TAF5L: variants seen among roughly 807,000 people sequenced by gnomAD.
TAF5L encodes TAF5-like RNA polymerase II p300/CBP-associated factor-associated factor 65 kDa subunit 5L.
TAF5L carries 7 observed loss-of-function variants against 51.3 expected under a neutral mutation model. That is an observed-to-expected ratio of 0.14 (90% CI 0.08 to 0.26). The LOEUF (loss-of-function observed/expected upper bound fraction) is 0.26. Among genes scored for constraint, TAF5L ranks in the 10% least tolerant of loss-of-function variants. The pLI, the probability that TAF5L is intolerant of heterozygous loss-of-function variation, is 1.00. For missense variants in TAF5L, 575 were observed against 758.9 expected (o/e 0.76, Z 2.85); for synonymous variants, 291 against 308.1 (o/e 0.94, Z 0.58).
At chr1:229,606,313 CACTT>C (rs1175004499) in intron 3 of TAF5L, 1 of 837,438 alleles carries the variant, frequency 1.2e-6, no homozygotes, top group Non-Finnish European at 1.4e-6. Context: ...AAAGTGTACT[CACTT>C]AAAATATATT....
intron 1 of TAF5L, among the ~76,000 whole-genome samples, chr1:229,620,354 C>T (rs1197457369): frequency 1.3e-5 from 2 of 152,148 alleles, no homozygotes; most frequent in South Asian, 2.1e-4. Flanking sequence ...CCACTATGCC[C>T]GACTCTACAA....
chr1:229,602,247 T>C lies in TAF5L; in HGVS notation c.920A>G (p.His307Arg). ...ATGGATGCGGGACACGTCTACTTGG[T>C]GGGGCTCTGATTTTAACTTCTTGGA... Residue 307 changes from histidine (H) to arginine (R), a missense_variant, in exon 4 of 5, where the codon CAC becomes CGC. His to Arg is a conservative substitution (Grantham distance 29, BLOSUM62 0). Around this residue, in one of 3 missense-constraint regions of TAF5L, gnomAD observed 380 missense variants for 443.7 expected, o/e 0.86. Transcript: ENST00000258281. The surrounding 1 kb of genome is among the most constrained non-coding windows in gnomAD (Gnocchi z 4.6). 1 of 1,614,152 alleles carries C rather than the reference T, an allele frequency of 6.2e-7. No individual in the cohort carries two copies. Among genetic ancestry groups the C allele is most frequent in the Non-Finnish European group, 8.5e-7 (1 of 1,180,020 alleles).
At position 229,614,327 on chromosome 1, in the gene TAF5L, G is replaced by A. The variant is rs1463162550; in HGVS notation, c.142+14C>T. On this transcript the variant is annotated intron_variant, in intron 2 of 4. Coordinates refer to ENST00000258281, the Ensembl canonical transcript of TAF5L. The stretch of plus-strand genomic sequence containing the variant: ...GCTCCAGGCTCACCCCACCAGACGA[G>A]CCCCCACCATTACCTGTTAGATTGG... 2 of 1,614,214 alleles carry A rather than the reference G, an allele frequency of 1.2e-6. No homozygotes were observed. The highest frequency in any genetic ancestry group is 1.7e-6 in the Non-Finnish European group (2 of 1,180,044).
chr1:229,609,316 T>A (rs541108703), intron 3 of TAF5L, among the ~76,000 whole-genome samples: 2 of 152,196 alleles, frequency 1.3e-5, no homozygotes, highest in Non-Finnish European at 2.9e-5. Flanking sequence ...CATTTTTGTA[T>A]TTTTTTAATC....
intron 3 of TAF5L, chr1:229,607,056 C>A: frequency 1.0e-6 from 1 of 985,426 alleles, no homozygotes; most frequent in Non-Finnish European, 1.2e-6. Flanking sequence ...CCTCAAATTT[C>A]CCACTGCAAG....
At chr1:229,606,304 A>G (rs1162679779) in intron 3 of TAF5L, 1 of 826,140 alleles carries the variant, frequency 1.2e-6, no homozygotes, top group Non-Finnish European at 1.5e-6. Flanking sequence ...ATTTTACTGA[A>G]AGTGTACTCA....
At chr1:229,618,183 C>T (rs988694142) in intron 1 of TAF5L, among the ~76,000 whole-genome samples, 1 of 152,192 alleles carries the variant, frequency 6.6e-6, no homozygotes, top group African/African-American at 2.4e-5. Flanking sequence ...GAGACTCATA[C>T]ATGAGACGAA....
At chr1:229,611,218 G>C (rs934163539) in intron 2 of TAF5L, among the ~76,000 whole-genome samples, 2 of 152,094 alleles carry the variant, frequency 1.3e-5, no homozygotes, top group African/African-American at 2.4e-5. Flanking sequence ...AACAAGGCTG[G>C]AGTCTCAATA....
chr1:229,602,700 C>T lies in TAF5L; in HGVS notation c.467G>A (p.Arg156Gln), dbSNP rs944060036. 7 of 1,613,928 alleles carry T rather than the reference C, an allele frequency of 4.3e-6. No homozygotes were observed. Among genetic ancestry groups the T allele is most frequent in the Admixed American group, 3.3e-5 (2 of 59,978 alleles). The change falls in exon 4 of 5, where the codon CGA becomes CAA. Residue 156 changes from arginine to glutamine, a missense_variant. Transcript: ENST00000258281. This position sits in a 1 kb window ranked among gnomAD's most constrained non-coding sequence, Gnocchi z 4.6. ...CACGTACTTGTTATCTAGGAATGCT[C>T]GAAGCTTGAAGTTAGATAGGATGTC...
Position 229,602,681 on chromosome 1 carries a change from C to T in TAF5L, c.486G>A (p.Lys162=), listed in dbSNP as rs772057665. ...TGTCTTCTTGGAGACGGACCACGTACTTGTTATCTAGGAATGCTCGAAGCT... is the reference window on the plus strand; with the variant it reads ...TGTCTTCTTGGAGACGGACCACGTATTTGTTATCTAGGAATGCTCGAAGCT... Residue 162 remains lysine (K), a synonymous_variant, in exon 4 of 5, where the codon AAG becomes AAA. Transcript: ENST00000258281. The surrounding 1 kb of genome is among the most constrained non-coding windows in gnomAD (Gnocchi z 4.6). 8 of 1,614,200 alleles carry T rather than the reference C, an allele frequency of 5.0e-6. No homozygotes were observed. Among genetic ancestry groups the T allele is most frequent in the Non-Finnish European group, 5.9e-6 (7 of 1,180,044 alleles).
At chr1:229,624,580 C>T (rs1167385712) in intron 1 of TAF5L, among the ~76,000 whole-genome samples, 1 of 149,102 alleles carries the variant, frequency 6.7e-6, no homozygotes, top group African/African-American at 2.5e-5. Context: ...GCCTGGGCAA[C>T]ATAGAGGCAC....
rs1664741057 is a variant in TAF5L at position 229,610,284 on chromosome 1, G to C, written c.143-74C>G. On this transcript the variant is annotated intron_variant, in intron 2 of 4. Transcript: ENST00000258281. ...TATTAACCCAGTACGTGGCAGGATG[G>C]GTGAAGGAGGGTGTTGTGCACACAC... 7 of 1,357,978 alleles carry C rather than the reference G, an allele frequency of 5.2e-6. No homozygotes were observed. In the Admixed American group the frequency reaches 5.3e-5, roughly 10 times the overall value. The allele number at this position is 1,357,978 out of a possible 1,614,324, so 84.1% of individuals were successfully genotyped here.
intron 1 of TAF5L, among the ~76,000 whole-genome samples, chr1:229,616,374 A>ATTATT (rs1665004721): frequency 1.3e-5 from 1 of 76,020 alleles, no homozygotes; most frequent in African/African-American, 3.9e-5. Flanking sequence ...ATTTATTTAT[A>ATTATT]TTTTTTTTTT....
intron 4 of TAF5L, chr1:229,600,119 A>C: frequency 1.4e-5 from 14 of 984,746 alleles, no homozygotes; most frequent in Non-Finnish European, 1.6e-5. Context: ...TAAGGGAAAA[A>C]GAAAAGTCCA....
At position 229,599,886 on chromosome 1, in the gene TAF5L, G is replaced by T. The variant is rs1362915704; in HGVS notation, c.972+2309C>A. ...TATGTAATAGTTATTGCTTCAAAAA[G>T]ATGAAAGCAGAGAGTGCAAGCTGGC... On this transcript the variant is annotated intron_variant, in intron 4 of 4. Coordinates refer to ENST00000258281, the Ensembl canonical transcript of TAF5L. 3 of 985,336 alleles carry T rather than the reference G, an allele frequency of 3.0e-6. No individual in the cohort carries two copies. The African/African-American group carries it at 5.2e-5, about 17-fold the overall frequency. The allele number at this position is 985,336 out of a possible 1,614,324, so 61.0% of individuals were successfully genotyped here. A position where few individuals can be genotyped will look rare whatever the true frequency, so the allele number is the denominator to read the frequency against.
chr1:229,600,201 T>C (rs1484446667), intron 4 of TAF5L: 2 of 985,278 alleles, frequency 2.0e-6, no homozygotes, highest in Non-Finnish European at 2.4e-6. Flanking sequence ...CCCAAATGCT[T>C]GTTGTCAGAA....
At position 229,625,533 on chromosome 1, in the gene TAF5L, G is replaced by C. The variant is rs1015502164; in HGVS notation, c.-4+352C>G. Among the ~76,000 whole-genome samples, 1 of 152,100 alleles carries C rather than the reference G, an allele frequency of 6.6e-6. No individual in the cohort carries two copies. The highest frequency in any genetic ancestry group is 6.5e-5 in the Admixed American group (1 of 15,282). On this transcript the variant is annotated intron_variant, in intron 1 of 4. Coordinates refer to ENST00000258281, the Ensembl canonical transcript of TAF5L. This position sits in a 1 kb window ranked among gnomAD's most constrained non-coding sequence, Gnocchi z 4.0. The stretch of plus-strand genomic sequence containing the variant: ...TCCCTGCTTGGCTGTCGGGCACTGG[G>C]ATACCTTCCCCGCGGGCGCCCGCCA...
At chr1:229,615,288 C>A (rs574994378) in intron 1 of TAF5L, among the ~76,000 whole-genome samples, 3 of 152,232 alleles carry the variant, frequency 2.0e-5, no homozygotes, top group South Asian at 4.2e-4. Flanking sequence ...GGGGTTTCAC[C>A]GTGTTAGCCA....
At chr1:229,618,312 A>C (rs2102764461) in intron 1 of TAF5L, among the ~76,000 whole-genome samples, 1 of 152,314 alleles carries the variant, frequency 6.6e-6, no homozygotes, top group Admixed American at 6.5e-5. Flanking sequence ...ATCATTTTCA[A>C]TTTATATAAA....
Sources: gnomAD v4.1 joint callset for allele counts (sites outside exome capture counted in the v4.1 genomes callset) on GRCh38, gnomAD v4.1.1 for gene constraint, gnomAD v4.1.1 regional missense constraint, Gnocchi (gnomAD v3.1) non-coding constraint, MANE v1.5 for transcripts, NCBI Gene and HGNC (gene_info 2026-07-23, HGNC 2026-07-21) for gene names.